Variants in KCND2 observed in about 807,000 individuals in gnomAD.
The protein encoded by KCND2 is potassium voltage-gated channel subfamily D member 2.
Under a neutral mutation model 54.4 loss-of-function variants are expected in KCND2, and 16 were observed. The ratio of observed to expected loss-of-function variants is 0.29; its 90% CI spans 0.20 to 0.45. The LOEUF is 0.45. Ranked by LOEUF, KCND2 falls within the 20% of genes least tolerant of loss-of-function variation. The probability of loss-of-function intolerance (pLI) is 1.00; values close to 1 mark genes in which losing one functional copy is unlikely to be tolerated. For synonymous variants in KCND2, 317 were observed against 310.7 expected (o/e 1.02, Z -0.21); for missense variants, 486 against 824.2 (o/e 0.59, Z 5.02).
chr7:120,739,558 T>C (rs905178978), intron 2 of KCND2, among the ~76,000 whole-genome samples: 1 of 152,022 alleles, frequency 6.6e-6, no homozygotes, highest in Non-Finnish European at 1.5e-5. Context: ...ATGAAATTTG[T>C]CTAATTTTCT....
intron 1 of KCND2, among the ~76,000 whole-genome samples, chr7:120,627,516 G>A (rs1270180468): frequency 6.6e-6 from 1 of 151,972 alleles, no homozygotes; most frequent in Non-Finnish European, 1.5e-5. Context: ...GGAAAGTAAA[G>A]TTCCTATTAA....
intron 1 of KCND2, among the ~76,000 whole-genome samples, chr7:120,458,264 G>A (rs1381370637): frequency 6.6e-6 from 1 of 152,184 alleles, no homozygotes; most frequent in Non-Finnish European, 1.5e-5. Flanking sequence ...TGTTTTTTAT[G>A]TAGGTCCTTG....
chr7:120,379,185 A>C (rs542504470), intron 1 of KCND2, among the ~76,000 whole-genome samples: 1 of 152,180 alleles, frequency 6.6e-6, no homozygotes, highest in Admixed American at 6.6e-5. Flanking sequence ...GGAATTTCCA[A>C]ACTTGATATT....
intron 1 of KCND2, among the ~76,000 whole-genome samples, chr7:120,695,665 A>T (rs141285144): frequency 6.6e-6 from 1 of 152,348 alleles, no homozygotes; most frequent in South Asian, 2.1e-4. Flanking sequence ...GTTGATTATG[A>T]TGATGGTGAT....
At chr7:120,503,195 G>A (rs745797717) in intron 1 of KCND2, among the ~76,000 whole-genome samples, 1 of 151,996 alleles carries the variant, frequency 6.6e-6, no homozygotes, top group Non-Finnish European at 1.5e-5. Flanking sequence ...AAGGGAGGTG[G>A]AAGAGGAAGT....
chr7:120,653,653 A>C (rs1169485867), intron 1 of KCND2, among the ~76,000 whole-genome samples: 2 of 152,206 alleles, frequency 1.3e-5, no homozygotes, highest in African/African-American at 4.8e-5. Context: ...TTTACATCAT[A>C]GTTTTATTGT....
chr7:120,574,979 C>G (rs191143664), intron 1 of KCND2, among the ~76,000 whole-genome samples: 99 of 150,996 alleles, frequency 6.6e-4, no homozygotes, highest in Middle Eastern at 3.4e-3. Flanking sequence ...CAATTCCATT[C>G]TTTACACTTA....
intron 1 of KCND2, among the ~76,000 whole-genome samples, chr7:120,657,614 A>C (rs1013330747): frequency 1.3e-5 from 2 of 152,170 alleles, no homozygotes; most frequent in African/African-American, 4.8e-5. Context: ...CTGTAATTTC[A>C]GCCAAGGCAA....
rs74696489 is a variant in KCND2 at position 120,597,877 on chromosome 7, C to T, written c.1116-135026C>T. Among the ~76,000 whole-genome samples the T allele has an allele frequency of 6.1e-3, 932 of 152,170 alleles. 10 individuals are homozygous for T. Among genetic ancestry groups the T allele is most frequent in the African/African-American group, 0.021 (864 of 41,532 alleles). Reference sequence around the variant, plus strand: ...ATGTTATCTTAGAAAACAGTCTGTGCTAAATTGCCACAGCTGTGATTTAGG... The same window carrying T: ...ATGTTATCTTAGAAAACAGTCTGTGTTAAATTGCCACAGCTGTGATTTAGG... On this transcript the variant is annotated intron_variant, in intron 1 of 5. Transcript: ENST00000331113.
intron 1 of KCND2, chr7:120,463,986 A>G: frequency 1.1e-6 from 1 of 882,734 alleles, no homozygotes; most frequent in Non-Finnish European, 1.4e-6. Flanking sequence ...CTGACTGGCT[A>G]CATTGGATAA....
chr7:120,610,460 C>G (rs1792939624), intron 1 of KCND2, among the ~76,000 whole-genome samples: 1 of 152,030 alleles, frequency 6.6e-6, no homozygotes, highest in African/African-American at 2.4e-5. Flanking sequence ...ATCTCTTGGA[C>G]TGGTGGACTA....
chr7:120,582,540 T>C (rs969398936), intron 1 of KCND2, among the ~76,000 whole-genome samples: 2 of 152,126 alleles, frequency 1.3e-5, no homozygotes, highest in African/African-American at 4.8e-5. Flanking sequence ...ACACCTTAGA[T>C]TGGTGTAGAA....
At chr7:120,636,522 A>T (rs1490420051) in intron 1 of KCND2, among the ~76,000 whole-genome samples, 1 of 152,130 alleles carries the variant, frequency 6.6e-6, no homozygotes, top group Non-Finnish European at 1.5e-5. Context: ...CAGCAGGCAC[A>T]TGTCAACTAG....
At chr7:120,330,322 G>C (rs1251958996) in intron 1 of KCND2, among the ~76,000 whole-genome samples, 1 of 152,090 alleles carries the variant, frequency 6.6e-6, no homozygotes, top group Admixed American at 6.6e-5. Context: ...GCTCACGCCT[G>C]TAATCCCAGC....
chr7:120,745,786 G>A lies in KCND2; in HGVS notation c.1474G>A (p.Glu492Lys). ...LHCLEKTTNH[E>K]FVDEQVFEES... ...ACTTACAACTGTGGAACAGAATCAC[G>A]AGTTTGTGGACGAACAAGTCTTTGA... The change falls in exon 5 of 6, where the codon GAG becomes AAG. Residue 492 changes from glutamate (E) to lysine (K), a missense_variant. Around this residue, in one of 7 missense-constraint regions of KCND2, gnomAD observed 202 missense variants for 252.7 expected, o/e 0.80. Transcript: ENST00000331113. The A allele has an allele frequency of 1.2e-6, 2 of 1,613,580 alleles. No individual in the cohort carries two copies. Among genetic ancestry groups the A allele is most frequent in the Non-Finnish European group, 1.7e-6 (2 of 1,179,684 alleles).
intron 1 of KCND2, among the ~76,000 whole-genome samples, chr7:120,722,058 C>T (rs1356362317): frequency 1.3e-5 from 2 of 152,198 alleles, no homozygotes; most frequent in African/African-American, 4.8e-5. Context: ...CTTCTCCAGC[C>T]AGGTGGAACT....
chr7:120,494,582 G>T (rs540422894), intron 1 of KCND2, among the ~76,000 whole-genome samples: 223 of 152,164 alleles, frequency 1.5e-3, no homozygotes, highest in Middle Eastern at 3.4e-3. Flanking sequence ...ATATGTTTAT[G>T]TTTCTAGAAA....
At chr7:120,652,839 G>A (rs544161539) in intron 1 of KCND2, among the ~76,000 whole-genome samples, 6 of 152,256 alleles carry the variant, frequency 3.9e-5, no homozygotes, top group African/African-American at 9.6e-5. Flanking sequence ...AAGAAACTGC[G>A]ATATCAAGAT....
rs1333443393 is a variant in KCND2 at position 120,730,643 on chromosome 7, AGCTAT to A, written c.1116-2258_1116-2254del. 2.6e-5 allele frequency among the ~76,000 whole-genome samples: 4 copies of A among 152,288 alleles called. No individual in the cohort carries two copies. The East Asian group carries it at 7.7e-4, about 29-fold the overall frequency. ...GGTGCCAAAGCCTTGTGGGAACTTC[AGCTAT>A]GTTAAATTAGCTCAACTACTGATCA... is the stretch of plus-strand genomic sequence containing the variant. On this transcript the variant is annotated intron_variant, in intron 1 of 5. Transcript: ENST00000331113.
Sources: gnomAD v4.1 joint callset for allele counts (sites outside exome capture counted in the v4.1 genomes callset) on GRCh38, gnomAD v4.1.1 for gene constraint, gnomAD v4.1.1 regional missense constraint, MANE v1.5 for transcripts, NCBI Gene and HGNC (gene_info 2026-07-23, HGNC 2026-07-21) for gene names.